The following ACOXL variants were observed in gnomAD, a reference collection of about 807,000 sequenced individuals.
ACOXL encodes acyl-CoA oxidase like.
ACOXL carries 70 observed loss-of-function variants against 71.9 expected under a neutral mutation model. The observed-to-expected ratio is 0.97, with a 90% CI of 0.80 to 1.19. ACOXL has a LOEUF of 1.19. Ranked by LOEUF, ACOXL falls within the 50% of genes most tolerant of loss-of-function variation. ACOXL has a pLI of 0.00. For synonymous variants in ACOXL, 253 were observed against 281.6 expected, an observed-to-expected ratio of 0.90 and a Z score of 1.02; for missense variants, 703 against 736.3, an observed-to-expected ratio of 0.95 and a Z score of 0.52.
chr2:110,735,246 G>C (rs1390489800), intron 1 of ACOXL, among the ~76,000 whole-genome samples: 1 of 152,098 alleles, frequency 6.6e-6, no homozygotes, highest in Admixed American at 6.5e-5. Context: ...CTTGATTTCT[G>C]GATGTTTTAA....
chr2:110,970,276 A>G (rs1233879815), intron 12 of ACOXL, among the ~76,000 whole-genome samples: 1 of 152,240 alleles, frequency 6.6e-6, no homozygotes, highest in East Asian at 1.9e-4. Context: ...TAATGCACAA[A>G]ATGAATTACA....
chr2:110,869,121 T>C (rs1694960949), intron 10 of ACOXL, among the ~76,000 whole-genome samples: 1 of 152,142 alleles, frequency 6.6e-6, no homozygotes, highest in African/African-American at 2.4e-5. Context: ...GTAGCTGAAG[T>C]GTCTGAAGCA....
intron 1 of ACOXL, among the ~76,000 whole-genome samples, chr2:110,758,642 T>G (rs1035718659): frequency 1.3e-5 from 2 of 152,206 alleles, no homozygotes; most frequent in Non-Finnish European, 1.5e-5. Flanking sequence ...CTGGGTTCAT[T>G]GATTTTTTGA....
At chr2:111,036,455 C>T (rs1425519341) in intron 15 of ACOXL, among the ~76,000 whole-genome samples, 3 of 152,222 alleles carry the variant, frequency 2.0e-5, no homozygotes, top group Admixed American at 6.5e-5. Context: ...AGGTCTGTTG[C>T]ACCAAGAATA....
chr2:110,816,309 G>A (rs1461572662), intron 9 of ACOXL, among the ~76,000 whole-genome samples: 6 of 152,196 alleles, frequency 3.9e-5, no homozygotes, highest in Admixed American at 3.3e-4. Flanking sequence ...TAGTGGCAAA[G>A]GGGAAGGCTT....
At chr2:111,089,744 A>G (rs2068422707) in intron 16 of ACOXL, among the ~76,000 whole-genome samples, 1 of 152,218 alleles carries the variant, frequency 6.6e-6, no homozygotes, top group African/African-American at 2.4e-5. Flanking sequence ...TCTTTCACTC[A>G]TTTATTCAAA....
At chr2:111,117,050 G>A (rs1489144577) in intron 17 of ACOXL, among the ~76,000 whole-genome samples, 2 of 152,208 alleles carry the variant, frequency 1.3e-5, no homozygotes, top group African/African-American at 4.8e-5. Context: ...TTGGTCCGCC[G>A]TCTCACTGTA....
chr2:110,844,481 A>C (rs1227914806), intron 10 of ACOXL, among the ~76,000 whole-genome samples: 1 of 151,400 alleles, frequency 6.6e-6, no homozygotes, highest in East Asian at 1.9e-4. Flanking sequence ...CGGCCACAGG[A>C]GGACCTGATC....
rs1227321763 is a variant in ACOXL at position 110,886,672 on chromosome 2, T to A, written c.789-22117T>A. ...GGGATTACAGGCTTGAGCCACTGCG[T>A]CTGTCCCTCCCCTATCCTTCTGAAT... On this transcript the variant is annotated intron_variant, in intron 10 of 17. Transcript: ENST00000439055. The A allele has an allele frequency of 3.6e-6, 5 of 1,404,986 alleles. No individual in the cohort carries two copies. The East Asian group carries it at 1.3e-4, about 35-fold the overall frequency. The allele number at this position is 1,404,986 out of a possible 1,614,324, so 87.0% of individuals were successfully genotyped here.
In ACOXL at chr2:110,902,303, C is replaced by T. The variant is rs533504198; in HGVS notation, c.789-6486C>T. 1.1e-4 allele frequency among the ~76,000 whole-genome samples: 17 copies of T among 152,228 alleles called. 1 individual carries two copies. The South Asian group carries it at 3.3e-3, about 30-fold the overall frequency. On this transcript the variant is annotated intron_variant, in intron 10 of 17. Transcript: ENST00000439055. ...TGGACAACGTGATGAAACCCAGTCTCTACTAAAATTACAAAAATTAGTCAG... is the reference window on the plus strand; with the variant it reads ...TGGACAACGTGATGAAACCCAGTCTTTACTAAAATTACAAAAATTAGTCAG...
At chr2:110,753,068 G>A (rs951214412) in intron 1 of ACOXL, among the ~76,000 whole-genome samples, 1 of 152,132 alleles carries the variant, frequency 6.6e-6, no homozygotes, top group Non-Finnish European at 1.5e-5. Context: ...GAATGGCTTG[G>A]TGCTGACCTC....
rs79406041 is a variant in ACOXL, at chr2:111,078,932, C to T, written c.1441-13933C>T. On this transcript the variant is annotated intron_variant, in intron 16 of 17. Transcript: ENST00000439055. ...CTTCTGTTGATTGTGATTCCAATGT[C>T]GGTTTGGCCCTCAAACCTTTTGCAG... Among the ~76,000 whole-genome samples the T allele has an allele frequency of 4.9e-3, 743 of 152,230 alleles. 19 individuals are homozygous for T. The East Asian group carries it at 0.077, about 16-fold the overall frequency.
chr2:110,787,394 C>T (rs552650760), intron 3 of ACOXL, among the ~76,000 whole-genome samples: 38 of 151,708 alleles, frequency 2.5e-4, no homozygotes, highest in African/African-American at 8.2e-4. Context: ...ATTAGCCGGG[C>T]GTGGTGGCAG....
At chr2:110,999,381 T>C (rs2063526024) in intron 14 of ACOXL, among the ~76,000 whole-genome samples, 1 of 152,186 alleles carries the variant, frequency 6.6e-6, no homozygotes, top group South Asian at 2.1e-4. Flanking sequence ...AGTTGGGACA[T>C]CAATGTTTGA....
At chr2:110,932,510 A>T (rs2060512800) in intron 11 of ACOXL, among the ~76,000 whole-genome samples, 2 of 152,234 alleles carry the variant, frequency 1.3e-5, no homozygotes, top group East Asian at 3.8e-4. Context: ...CATAATATGT[A>T]TACATATCTT....
intron 16 of ACOXL, among the ~76,000 whole-genome samples, chr2:111,069,536 A>G (rs1348604939): frequency 1.3e-5 from 2 of 152,146 alleles, no homozygotes; most frequent in African/African-American, 4.8e-5. Flanking sequence ...CTCTTTAAAA[A>G]TCTTATCCTC....
chr2:110,914,276 G>A (rs992884301), intron 11 of ACOXL, among the ~76,000 whole-genome samples: 1 of 152,130 alleles, frequency 6.6e-6, no homozygotes, highest in South Asian at 2.1e-4. Flanking sequence ...GTCTTTGCAA[G>A]TCTGTTTAGA....
At chr2:110,737,690 A>C (rs556683736) in intron 1 of ACOXL, among the ~76,000 whole-genome samples, 1 of 152,294 alleles carries the variant, frequency 6.6e-6, no homozygotes, top group African/African-American at 2.4e-5. Context: ...CTGTGATCAA[A>C]CCTGTCAGGT....
chr2:111,030,481 C>T (rs931231875), intron 14 of ACOXL, among the ~76,000 whole-genome samples: 11 of 152,174 alleles, frequency 7.2e-5, no homozygotes, highest in African/African-American at 1.2e-4. Context: ...ACTGTGCCTG[C>T]GGCCCCAGGT....
Sources: allele counts gnomAD v4.1 joint callset (sites outside exome capture counted in the v4.1 genomes callset), GRCh38; gene constraint gnomAD v4.1.1; transcripts MANE v1.5; gene names NCBI Gene and HGNC (gene_info 2026-07-23, HGNC 2026-07-21).